HS6ST3: variants seen among roughly 807,000 people sequenced by gnomAD.
HS6ST3 encodes the protein heparan sulfate 6-O-sulfotransferase 3.
Under a neutral mutation model 36.7 loss-of-function variants are expected in HS6ST3, and 12 were observed. The ratio of observed to expected loss-of-function variants is 0.33; its 90% CI spans 0.21 to 0.53. The LOEUF is 0.53. Ranked by LOEUF, HS6ST3 falls within the 20% of genes least tolerant of loss-of-function variation. The pLI, the probability that HS6ST3 is intolerant of heterozygous loss-of-function variation, is 0.95. For synonymous variants in HS6ST3, 240 were observed against 257.5 expected (o/e 0.93, Z 0.65); for missense variants, 584 against 640.9 (o/e 0.91, Z 0.96).
chr13:96,691,530 A>T (rs520033), intron 1 of HS6ST3, among the ~76,000 whole-genome samples: 149,855 of 152,132 alleles, frequency 0.99, 73,844 homozygotes, highest in Middle Eastern at 1. Flanking sequence ...TTTGCTAGCC[A>T]GCTCAGAAAT....
chr13:96,468,832 C>T (rs967863744), intron 1 of HS6ST3, among the ~76,000 whole-genome samples: 1 of 152,146 alleles, frequency 6.6e-6, no homozygotes, highest in East Asian at 1.9e-4. Context: ...CAAGAAGATA[C>T]GCCTTCACTG....
chr13:96,535,279 G>A (rs181756848), intron 1 of HS6ST3, among the ~76,000 whole-genome samples: 4 of 151,998 alleles, frequency 2.6e-5, no homozygotes, highest in South Asian at 2.1e-4. Context: ...AATCTTGGCC[G>A]GGCATGGTGG....
At chr13:96,431,793 G>A (rs909736949) in intron 1 of HS6ST3, among the ~76,000 whole-genome samples, 4 of 152,162 alleles carry the variant, frequency 2.6e-5, no homozygotes, top group African/African-American at 7.2e-5. Flanking sequence ...GTTTGCCTAC[G>A]ACATAGATCA....
chr13:96,402,982 T>C (rs531686023), intron 1 of HS6ST3, among the ~76,000 whole-genome samples: 2 of 152,270 alleles, frequency 1.3e-5, no homozygotes, highest in East Asian at 3.9e-4. Flanking sequence ...GTATAACAGT[T>C]TTCAAAATGG....
At chr13:96,478,352 G>T (rs1366886272) in intron 1 of HS6ST3, among the ~76,000 whole-genome samples, 1 of 152,180 alleles carries the variant, frequency 6.6e-6, no homozygotes. Flanking sequence ...CATGGAGAAG[G>T]CAGGCAGTCA....
chr13:96,753,605 T>A (rs1031819827), intron 1 of HS6ST3, among the ~76,000 whole-genome samples: 6 of 152,192 alleles, frequency 3.9e-5, no homozygotes, highest in Non-Finnish European at 5.9e-5. Flanking sequence ...TTAATTATTT[T>A]GGGTTTTCTT....
chr13:96,581,220 C>CT (rs1326509076), intron 1 of HS6ST3, among the ~76,000 whole-genome samples: 1 of 133,518 alleles, frequency 7.5e-6, no homozygotes, highest in African/African-American at 2.7e-5. Flanking sequence ...GCAACAACTA[C>CT]TATTTTTTTT....
intron 1 of HS6ST3, among the ~76,000 whole-genome samples, chr13:96,270,502 T>A (rs983564832): frequency 1.3e-5 from 2 of 152,104 alleles, no homozygotes; most frequent in East Asian, 3.9e-4. Flanking sequence ...TAATTAAATT[T>A]AAAAAGTTGG....
chr13:96,767,845 G>A (rs1401784141), intron 1 of HS6ST3, among the ~76,000 whole-genome samples: 1 of 152,192 alleles, frequency 6.6e-6, no homozygotes, highest in African/African-American at 2.4e-5. Flanking sequence ...AGAGCTGAAA[G>A]TGAAAAAGAC....
intron 1 of HS6ST3, among the ~76,000 whole-genome samples, chr13:96,189,455 C>T (rs964477407): frequency 1.3e-5 from 2 of 151,960 alleles, no homozygotes; most frequent in African/African-American, 2.4e-5. Flanking sequence ...GGACTTCCCT[C>T]TAGCATGGAT....
chr13:96,601,682 C>CT (rs935906577), intron 1 of HS6ST3, among the ~76,000 whole-genome samples: 4 of 151,742 alleles, frequency 2.6e-5, no homozygotes, highest in South Asian at 2.1e-4. Context: ...TTGCAGAACT[C>CT]TTTTTTTTCA....
At chr13:96,118,688 A>ATT (rs149786144) in intron 1 of HS6ST3, among the ~76,000 whole-genome samples, 4 of 31,176 alleles carry the variant, frequency 1.3e-4, no homozygotes, top group African/African-American at 5.3e-4. Context: ...ATATATATAT[A>ATT]TTTTTTTTTT....
At position 96,726,563 on chromosome 13, in the gene HS6ST3, A is replaced by G. The variant is rs193180874; in HGVS notation, c.708-105927A>G. Reference sequence around the variant, plus strand: ...GTTTTTAAATATTGGTCTTTATTATATAACCTTACTAAACTAAGTTATTCT... The same window carrying G: ...GTTTTTAAATATTGGTCTTTATTATGTAACCTTACTAAACTAAGTTATTCT... On this transcript the variant is annotated intron_variant, in intron 1 of 1. Transcript: ENST00000376705. Among the ~76,000 whole-genome samples the G allele has an allele frequency of 2.0e-4, 30 of 152,316 alleles. 1 individual carries two copies. Among genetic ancestry groups the G allele is most frequent in the Admixed American group, 4.6e-4 (7 of 15,306 alleles).
chr13:96,101,420 C>CAATTTTTGAAGCAAA (rs2053817893), intron 1 of HS6ST3, among the ~76,000 whole-genome samples: 1 of 151,960 alleles, frequency 6.6e-6, no homozygotes, highest in African/African-American at 2.4e-5. Flanking sequence ...TTTTAAAGGA[C>CAATTTTTGAAGCAAA]TTTTGAAGCA....
At chr13:96,741,041 C>G (rs576412026) in intron 1 of HS6ST3, among the ~76,000 whole-genome samples, 111 of 152,228 alleles carry the variant, frequency 7.3e-4, no homozygotes, top group African/African-American at 2.6e-3. Flanking sequence ...AATATAAACC[C>G]ACGAGGAGAA....
chr13:96,261,876 C>T (rs1360143270), intron 1 of HS6ST3, among the ~76,000 whole-genome samples: 1 of 152,142 alleles, frequency 6.6e-6, no homozygotes, highest in African/African-American at 2.4e-5. Context: ...CCATTTCAGC[C>T]TAGTCTGGTC....
At chr13:96,806,679 C>G (rs1878203472) in intron 1 of HS6ST3, among the ~76,000 whole-genome samples, 2 of 152,206 alleles carry the variant, frequency 1.3e-5, no homozygotes, top group South Asian at 4.1e-4. Flanking sequence ...AAAGCACCCA[C>G]TGACTCTTCA....
intron 1 of HS6ST3, among the ~76,000 whole-genome samples, chr13:96,468,462 C>T (rs1377694293): frequency 2.4e-5 from 3 of 123,338 alleles, no homozygotes; most frequent in Non-Finnish European, 5.0e-5. Flanking sequence ...TAACATTTAA[C>T]AGGACATACA....
intron 1 of HS6ST3, among the ~76,000 whole-genome samples, chr13:96,825,493 G>C (rs1004518618): frequency 3.9e-5 from 6 of 152,160 alleles, no homozygotes; most frequent in Non-Finnish European, 8.8e-5. Flanking sequence ...GGCATTTCCT[G>C]AATCTGTCCT....
Sources: gnomAD v4.1 joint callset for allele counts (sites outside exome capture counted in the v4.1 genomes callset) on GRCh38, gnomAD v4.1.1 for gene constraint, MANE v1.5 for transcripts, NCBI Gene and HGNC (gene_info 2026-07-23, HGNC 2026-07-21) for gene names.